CTNNA3: variants seen among roughly 807,000 people sequenced by gnomAD.
CTNNA3 encodes catenin alpha-3.
Under a neutral mutation model 95.7 loss-of-function variants are expected in CTNNA3, and 76 were observed. The ratio of observed to expected loss-of-function variants is 0.79; its 90% CI spans 0.66 to 0.96. The LOEUF (loss-of-function observed/expected upper bound fraction) is 0.96, where lower values mean the gene tolerates loss of function less well. CTNNA3 is among the 40% of genes least tolerant of loss of function. The pLI, the probability that CTNNA3 is intolerant of heterozygous loss-of-function variation, is 0.00. For synonymous variants in CTNNA3, 431 were observed against 374.4 expected, an observed-to-expected ratio of 1.15 and a Z score of -1.74; for missense variants, 1,191 against 1,089.8, an observed-to-expected ratio of 1.09 and a Z score of -1.31.
At chr10:67,128,085 C>G (rs534343454) in intron 7 of CTNNA3, among the ~76,000 whole-genome samples, 1 of 152,168 alleles carries the variant, frequency 6.6e-6, no homozygotes, top group African/African-American at 2.4e-5. Flanking sequence ...TCTCCTATAT[C>G]TAATTAATGT....
intron 6 of CTNNA3, among the ~76,000 whole-genome samples, chr10:67,198,131 C>A (rs1863460536): frequency 6.6e-6 from 1 of 152,098 alleles, no homozygotes; most frequent in Non-Finnish European, 1.5e-5. Context: ...TGAAAAGCCA[C>A]ATGTGAGTAG....
intron 7 of CTNNA3, among the ~76,000 whole-genome samples, chr10:66,946,403 A>G (rs868317820): frequency 1.3e-5 from 2 of 152,164 alleles, no homozygotes; most frequent in African/African-American, 4.8e-5. Flanking sequence ...TTTTGTTGGC[A>G]TATAATATAC....
chr10:66,626,911 T>G (rs1261952397), intron 9 of CTNNA3, among the ~76,000 whole-genome samples: 3 of 148,696 alleles, frequency 2.0e-5, no homozygotes, highest in Non-Finnish European at 4.4e-5. Context: ...ACCTCCCCCA[T>G]CTCCAACACA....
intron 5 of CTNNA3, among the ~76,000 whole-genome samples, chr10:67,489,635 C>T (rs1449539959): frequency 6.6e-6 from 1 of 152,074 alleles, no homozygotes; most frequent in Non-Finnish European, 1.5e-5. Flanking sequence ...TTAGCTCTCA[C>T]TATTGCTCCT....
At chr10:66,146,335 C>A (rs1041995914) in intron 13 of CTNNA3, among the ~76,000 whole-genome samples, 1 of 152,094 alleles carries the variant, frequency 6.6e-6, no homozygotes, top group Non-Finnish European at 1.5e-5. Context: ...AAGAACTAGA[C>A]CTGCCTCAGT....
intron 7 of CTNNA3, among the ~76,000 whole-genome samples, chr10:67,136,175 G>GT (rs1009463153): frequency 3.9e-4 from 59 of 151,648 alleles, no homozygotes; most frequent in African/African-American, 1.3e-3. Flanking sequence ...TGTTTGGTTG[G>GT]TTTTTTTACC....
At chr10:67,073,360 C>A (rs1295353385) in intron 7 of CTNNA3, among the ~76,000 whole-genome samples, 1 of 152,102 alleles carries the variant, frequency 6.6e-6, no homozygotes, top group African/African-American at 2.4e-5. Context: ...TTACCTTCAA[C>A]CATATTGCTT....
At chr10:67,646,140 ATT>A (rs944895712) in intron 2 of CTNNA3, among the ~76,000 whole-genome samples, 12 of 149,176 alleles carry the variant, frequency 8.0e-5, no homozygotes, top group South Asian at 2.1e-4. Context: ...TGACATTCCA[ATT>A]TTTTTGTGAA....
In CTNNA3 at chr10:66,419,743, C is replaced by T. The variant is rs151333945; in HGVS notation, c.1532-40391G>A. Among the ~76,000 whole-genome samples the T allele has an allele frequency of 4.4e-3, 666 of 152,266 alleles. 2 individuals carry two copies. Among genetic ancestry groups the T allele is most frequent in the Non-Finnish European group, 6.6e-3 (450 of 68,008 alleles). ...ACTCAAAAATAAATCCACATATTTA[C>T]AGCCAATTGATTGTTGACAAAGCAC... On this transcript the variant is annotated intron_variant, in intron 11 of 17. Coordinates refer to ENST00000433211, the MANE Select transcript of CTNNA3 (RefSeq NM_013266.4).
At chr10:67,267,950 T>G (rs938113473) in intron 5 of CTNNA3, among the ~76,000 whole-genome samples, 2 of 152,114 alleles carry the variant, frequency 1.3e-5, no homozygotes, top group Non-Finnish European at 2.9e-5. Flanking sequence ...TTAAAAATAG[T>G]TGTCTCTGGA....
At chr10:66,172,808 A>G (rs2085502747) in intron 13 of CTNNA3, among the ~76,000 whole-genome samples, 1 of 152,204 alleles carries the variant, frequency 6.6e-6, no homozygotes, top group African/African-American at 2.4e-5. Context: ...AAAAAATTTC[A>G]TCATTTTAAT....
chr10:67,020,012 T>C (rs528270422), intron 7 of CTNNA3, among the ~76,000 whole-genome samples: 41 of 27,056 alleles, frequency 1.5e-3, no homozygotes, highest in African/African-American at 2.5e-3. Flanking sequence ...TTAATACCAA[T>C]ATCAACTGCT....
At chr10:66,123,720 C>A (rs1333244666) in intron 13 of CTNNA3, among the ~76,000 whole-genome samples, 1 of 152,182 alleles carries the variant, frequency 6.6e-6, no homozygotes, top group East Asian at 1.9e-4. Flanking sequence ...AACCCAAATT[C>A]TTGACCTCTG....
intron 15 of CTNNA3, among the ~76,000 whole-genome samples, chr10:66,049,248 T>C (rs114370668): frequency 0.012 from 1,822 of 152,250 alleles, 32 homozygotes; most frequent in African/African-American, 0.042. Flanking sequence ...TACAATCTCA[T>C]ACCAGTTAGA....
chr10:67,121,031 C>T (rs1859438282), intron 7 of CTNNA3, among the ~76,000 whole-genome samples: 1 of 151,840 alleles, frequency 6.6e-6, no homozygotes, highest in African/African-American at 2.4e-5. Context: ...TCAATTTTAC[C>T]ACACCAATGA....
intron 5 of CTNNA3, among the ~76,000 whole-genome samples, chr10:67,245,081 C>T (rs1865857836): frequency 6.6e-6 from 1 of 152,142 alleles, no homozygotes; most frequent in South Asian, 2.1e-4. Context: ...TCCTATGTAT[C>T]TCTGTGACCC....
chr10:67,173,710 T>G (rs1469398704), intron 7 of CTNNA3, among the ~76,000 whole-genome samples: 1 of 152,182 alleles, frequency 6.6e-6, no homozygotes, highest in African/African-American at 2.4e-5. Flanking sequence ...CTTACTATAT[T>G]CCTGTCATTT....
chr10:66,959,571 G>T (rs568592408), intron 7 of CTNNA3, among the ~76,000 whole-genome samples: 21 of 152,114 alleles, frequency 1.4e-4, no homozygotes, highest in African/African-American at 5.1e-4. Context: ...AACCTCTCTG[G>T]GAAATCTGGA....
intron 12 of CTNNA3, among the ~76,000 whole-genome samples, chr10:66,336,920 A>C (rs1388287000): frequency 6.6e-6 from 1 of 152,048 alleles, no homozygotes; most frequent in Non-Finnish European, 1.5e-5. Context: ...TTTCACTGTT[A>C]GGCTCTCATG....
Sources: gnomAD v4.1 joint callset for allele counts (sites outside exome capture counted in the v4.1 genomes callset) on GRCh38, gnomAD v4.1.1 for gene constraint, MANE v1.5 for transcripts, NCBI Gene and HGNC (gene_info 2026-07-23, HGNC 2026-07-21) for gene names.